The following COPG1 variants were observed in gnomAD, a reference collection of about 807,000 sequenced individuals.
The protein encoded by COPG1 is coatomer subunit gamma-1.
Under a neutral mutation model 102.8 loss-of-function variants are expected in COPG1, and 29 were observed. That is an observed-to-expected ratio of 0.28 (90% CI 0.21 to 0.38). The LOEUF (loss-of-function observed/expected upper bound fraction) is 0.38. COPG1 is among the 10% of genes least tolerant of loss of function. The pLI is 1.00. For synonymous variants in COPG1, 406 were observed against 421.6 expected (o/e 0.96, Z 0.45); for missense variants, 875 against 1,132.7 (o/e 0.77, Z 3.27).
chr3:129,272,278 T>A lies in COPG1; in HGVS notation c.2021T>A (p.Leu674Ter). 2 of 1,613,670 alleles carry A rather than the reference T, an allele frequency of 1.2e-6. No homozygotes were observed. Among genetic ancestry groups the A allele is most frequent in the Non-Finnish European group, 1.7e-6 (2 of 1,179,592 alleles). Reference protein sequence around the residue: ...DCTNTLNDQTLENVTVQMEPT... With the variant: ...DCTNTLNDQT ...ACAAACACACTCAATGACCAGACCT[T>A]GGAGAATGTCACAGTGCAGATGGAG... The change falls in exon 20 of 24, where the codon TTG (leucine) becomes TAG (stop). Residue 674 changes from leucine to a stop codon, truncating the protein, a stop_gained. Transcript: ENST00000314797. LOFTEE classifies it high-confidence loss of function.
intron 2 of COPG1, among the ~76,000 whole-genome samples, chr3:129,251,233 AAC>A (rs1333251654): frequency 2.5e-4 from 37 of 150,002 alleles, no homozygotes; most frequent in African/African-American, 8.8e-4. Context: ...TCTCTATTTA[AAC>A]ATTTAAAAAA....
intron 7 of COPG1, among the ~76,000 whole-genome samples, chr3:129,255,499 T>G (rs960526903): frequency 6.8e-6 from 1 of 146,586 alleles, no homozygotes; most frequent in Non-Finnish European, 1.5e-5. Context: ...TTTTTTTTTT[T>G]TGAGACAGAG....
chr3:129,267,582 C>T (rs374730940), intron 15 of COPG1, among the ~76,000 whole-genome samples: 2 of 151,982 alleles, frequency 1.3e-5, no homozygotes, highest in African/African-American at 4.8e-5. Flanking sequence ...GATCATGCCC[C>T]GCATTCCAGC....
At chr3:129,259,460 C>CAAA (rs781019383) in intron 10 of COPG1, among the ~76,000 whole-genome samples, 1 of 47,528 alleles carries the variant, frequency 2.1e-5, no homozygotes. Flanking sequence ...GACTCTATCT[C>CAAA]AAAAAAAAAA....
rs142007094 is a variant in COPG1, at chr3:129,259,901, G to C, written c.872-432G>C. ...GAGAGGAGTGGAATATTACTTCACA[G>C]AGGTTAAGGGCTTAGGCTGCAGGTG... On this transcript the variant is annotated intron_variant, in intron 10 of 23. Transcript: ENST00000314797. Among the ~76,000 whole-genome samples the C allele has an allele frequency of 3.9e-5, 6 of 152,324 alleles. No individual in the cohort carries two copies. In the East Asian group the frequency reaches 1.2e-3, roughly 29 times the overall value.
chr3:129,258,195 G>C (rs1348908824), intron 10 of COPG1, among the ~76,000 whole-genome samples: 1 of 152,188 alleles, frequency 6.6e-6, no homozygotes, highest in Admixed American at 6.5e-5. Context: ...CACTTTTCCA[G>C]GTGAAGGAGA....
chr3:129,260,444 C>T, intron 11 of COPG1, 44 bp downstream of exon 11: 1 of 1,592,334 alleles, frequency 6.3e-7, no homozygotes, highest in East Asian at 2.2e-5. Flanking sequence ...TCTGATCCAA[C>T]TGGAGGTGTG....
intron 18 of COPG1, 51 bp downstream of exon 18, chr3:129,269,051 G>C: frequency 6.6e-7 from 1 of 1,509,824 alleles, no homozygotes; most frequent in South Asian, 1.1e-5. Flanking sequence ...AGTTTCCTCA[G>C]GGGGTTCAAG....
chr3:129,262,655 C>T (rs1021972355), intron 12 of COPG1, among the ~76,000 whole-genome samples: 16 of 150,248 alleles, frequency 1.1e-4, no homozygotes, highest in Non-Finnish European at 2.1e-4. Flanking sequence ...CCCAGGAGTT[C>T]GAGGCTGCAG....
At chr3:129,257,669 C>T in intron 9 of COPG1, 42 bp downstream of exon 9, 1 of 1,613,828 alleles carries the variant, frequency 6.2e-7, no homozygotes, top group South Asian at 1.1e-5. Context: ...ATGCCTCACT[C>T]ATCCTACCAT....
In COPG1 at chr3:129,265,792, G is replaced by C. The variant is rs1311225957; in HGVS notation, c.1468G>C (p.Gly490Arg). 1.9e-6 allele frequency: 3 copies of C among 1,613,694 alleles called. No individual in the cohort carries two copies. In the South Asian group the frequency reaches 3.3e-5, roughly 18 times the overall value. Reference sequence around the variant, plus strand: ...CTTGGAGCATGAGGAGGTCCGGGCAGGTAGGTCTGAGCCAGGGCTGAACTT... The same window carrying C: ...CTTGGAGCATGAGGAGGTCCGGGCACGTAGGTCTGAGCCAGGGCTGAACTT... ...VVLEHEEVRA[G>R]AVSALAKFGA... Residue 490 changes from glycine to arginine, a missense_variant and splice_region_variant, in exon 14 of 24, where the codon GGT (glycine) becomes CGT (arginine). Coordinates refer to ENST00000314797, the MANE Select transcript of COPG1 (RefSeq NM_016128.4).
At chr3:129,255,424 G>A (rs1174108696) in intron 7 of COPG1, among the ~76,000 whole-genome samples, 1 of 151,516 alleles carries the variant, frequency 6.6e-6, no homozygotes, top group Admixed American at 6.6e-5. Flanking sequence ...TGATCTACCC[G>A]CCTCGGCCTC....
Position 129,257,540 on chromosome 3 carries a change from A to G in COPG1, c.650A>G (p.Lys217Arg). 1 of 1,614,234 alleles carries G rather than the reference A, an allele frequency of 6.2e-7. No individual in the cohort carries two copies. The highest frequency in any genetic ancestry group is 1.1e-5 in the South Asian group (1 of 91,090). The change falls in exon 9 of 24, where the codon AAG becomes AGG. Residue 217 changes from lysine to arginine, a missense_variant. Coordinates refer to ENST00000314797, the MANE Select transcript of COPG1 (RefSeq NM_016128.4). ...DRLAVNKMIS[K>R]VTRHGLKSPF... Reference sequence around the variant, plus strand: ...CTAGCCGTCAATAAGATGATCAGCAAGGTCACACGGCATGGCCTTAAGTCT... The same window carrying G: ...CTAGCCGTCAATAAGATGATCAGCAGGGTCACACGGCATGGCCTTAAGTCT...
intron 13 of COPG1, among the ~76,000 whole-genome samples, chr3:129,264,954 T>TA (rs1342462263): frequency 1.3e-5 from 2 of 151,728 alleles, no homozygotes; most frequent in African/African-American, 4.8e-5. Flanking sequence ...CCCGAGTACC[T>TA]AGGACTACAG....
At chr3:129,256,227 C>T in intron 8 of COPG1, 73 bp downstream of exon 8, 1 of 1,232,912 alleles carries the variant, frequency 8.1e-7, no homozygotes, top group Non-Finnish European at 1.2e-6. Flanking sequence ...TTGGCATGGA[C>T]ACTTGCCACC....
intron 21 of COPG1, chr3:129,274,182 TGAA>T (rs1411585011): frequency 7.3e-5 from 30 of 409,042 alleles, no homozygotes; most frequent in African/African-American, 6.7e-4. Flanking sequence ...CATCCAGAGA[TGAA>T]GAAAAAAAAA....
intron 5 of COPG1, chr3:129,253,233 A>G: frequency 2.7e-6 from 1 of 374,900 alleles, no homozygotes; most frequent in Non-Finnish European, 4.9e-6. Flanking sequence ...TTGAGTATAA[A>G]GAGAGAACAC....
chr3:129,267,449 G>A (rs1261274939), intron 15 of COPG1, among the ~76,000 whole-genome samples: 3 of 152,078 alleles, frequency 2.0e-5, no homozygotes, highest in South Asian at 2.1e-4. Flanking sequence ...CTGAAACCCC[G>A]TCTCTACTAC....
intron 2 of COPG1, among the ~76,000 whole-genome samples, chr3:129,251,951 C>T (rs1198156952): frequency 3.3e-5 from 5 of 152,188 alleles, no homozygotes; most frequent in Non-Finnish European, 5.9e-5. Flanking sequence ...TCCCAAAGTG[C>T]TAGGATTACA....
Sources: allele counts gnomAD v4.1 joint callset (sites outside exome capture counted in the v4.1 genomes callset), GRCh38; gene constraint gnomAD v4.1.1; transcripts MANE v1.5; gene names NCBI Gene and HGNC (gene_info 2026-07-23, HGNC 2026-07-21).